Variants in HAO1 observed in about 807,000 individuals in gnomAD.
HAO1 encodes the protein hydroxyacid oxidase 1.
A neutral mutation model predicts 39.7 loss-of-function variants in HAO1; 34 were observed. The observed-to-expected ratio is 0.86, with a 90% confidence interval of 0.65 to 1.14. The LOEUF (loss-of-function observed/expected upper bound fraction) is 1.14, where lower values mean the gene tolerates loss of function less well. Among genes scored for constraint, HAO1 ranks in the 50% most tolerant of loss-of-function variants. The pLI, the probability that HAO1 is intolerant of heterozygous loss-of-function variation, is 0.00. For missense variants in HAO1, 479 were observed against 464.5 expected, an observed-to-expected ratio of 1.03 and a Z score of -0.29; for synonymous variants, 172 against 173.2, an observed-to-expected ratio of 0.99 and a Z score of 0.05.
At chr20:7,918,000 G>A (rs531011845) in intron 2 of HAO1, among the ~76,000 whole-genome samples, 3 of 152,298 alleles carry the variant, frequency 2.0e-5, no homozygotes, top group East Asian at 1.9e-4. Context: ...AACTGCTGGA[G>A]TTATTGCTGC....
chr20:7,935,403 G>A, intron 1 of HAO1, among the ~76,000 whole-genome samples: 1 of 152,148 alleles, frequency 6.6e-6, no homozygotes, highest in Non-Finnish European at 1.5e-5. Flanking sequence ...AATGCATAGA[G>A]TTTAGATTAG....
intron 1 of HAO1, among the ~76,000 whole-genome samples, chr20:7,939,528 A>G (rs1481727278): frequency 6.6e-6 from 1 of 151,466 alleles, no homozygotes; most frequent in Non-Finnish European, 1.5e-5. Flanking sequence ...ACTAACAGCC[A>G]TAATGTTAGA....
At chr20:7,905,160 T>C (rs2050241598) in intron 4 of HAO1, among the ~76,000 whole-genome samples, 1 of 152,188 alleles carries the variant, frequency 6.6e-6, no homozygotes, top group South Asian at 2.1e-4. Flanking sequence ...TATATATCGA[T>C]TTAAAAAACT....
At chr20:7,916,745 A>G (rs1227821428) in intron 2 of HAO1, among the ~76,000 whole-genome samples, 1 of 152,202 alleles carries the variant, frequency 6.6e-6, no homozygotes, top group East Asian at 1.9e-4. Context: ...TTTTTCATAC[A>G]TGTTCTCCCG....
At chr20:7,927,632 A>G (rs1028062854) in intron 2 of HAO1, among the ~76,000 whole-genome samples, 10 of 152,294 alleles carry the variant, frequency 6.6e-5, no homozygotes, top group African/African-American at 2.4e-4. Flanking sequence ...GTAATTCATG[A>G]CCCATTGTTT....
chr20:7,890,723 A>G (rs1038430135), intron 5 of HAO1, among the ~76,000 whole-genome samples: 2 of 151,720 alleles, frequency 1.3e-5, no homozygotes, highest in African/African-American at 4.8e-5. Context: ...CCAAGTCCCC[A>G]ATGTCCATTG....
At chr20:7,893,480 A>G (rs1432895992) in intron 5 of HAO1, among the ~76,000 whole-genome samples, 2 of 152,202 alleles carry the variant, frequency 1.3e-5, no homozygotes, top group Non-Finnish European at 2.9e-5. Flanking sequence ...GTAGGCTACA[A>G]GATTCTGAAC....
chr20:7,934,534 G>C lies in HAO1; in HGVS notation c.239C>G (p.Thr80Arg), dbSNP rs758462740. ...RVSMPICVGA[T>R]AMQRMAHVDG... The stretch of plus-strand genomic sequence containing the variant: ...CACATGAGCCATGCGCTGCATGGCC[G>C]TAGCCCCCACACATATTGGCATGCT... Residue 80 changes from threonine to arginine, a missense_variant, in exon 2 of 8, where the codon ACG becomes AGG. Physicochemically the swap from Thr to Arg is moderately conservative, Grantham distance 71 (BLOSUM62 -1). Coordinates refer to ENST00000378789, the MANE Select transcript of HAO1 (RefSeq NM_017545.3). The C allele has an allele frequency of 1.9e-6, 3 of 1,612,914 alleles. No individual in the cohort carries two copies. The highest frequency in any genetic ancestry group is 2.7e-5 in the African/African-American group (2 of 74,970).
At chr20:7,895,085 T>C (rs768146264) in intron 5 of HAO1, 48 bp downstream of exon 5, 11 of 1,140,194 alleles carry the variant, frequency 9.6e-6, no homozygotes, top group Middle Eastern at 1.9e-4. Context: ...AACACAGTGA[T>C]GGAAATGGGA....
chr20:7,922,500 C>T (rs1001192140), intron 2 of HAO1, among the ~76,000 whole-genome samples: 2 of 152,098 alleles, frequency 1.3e-5, no homozygotes, highest in African/African-American at 4.8e-5. Flanking sequence ...GAGAAAGCTC[C>T]TAAAGGAGAG....
chr20:7,904,475 C>G (rs1299001844), intron 4 of HAO1, among the ~76,000 whole-genome samples: 1 of 152,350 alleles, frequency 6.6e-6, no homozygotes, highest in Middle Eastern at 3.4e-3. Context: ...TGCATAATTG[C>G]TTTATTCTGC....
At chr20:7,925,098 G>T (rs138948054) in intron 2 of HAO1, among the ~76,000 whole-genome samples, 10 of 152,246 alleles carry the variant, frequency 6.6e-5, no homozygotes, top group South Asian at 2.1e-4. Context: ...TCACATAGAC[G>T]CAGTCAACAT....
chr20:7,896,896 T>C (rs2050200347), intron 4 of HAO1, among the ~76,000 whole-genome samples: 1 of 152,180 alleles, frequency 6.6e-6, no homozygotes, highest in Non-Finnish European at 1.5e-5. Context: ...AGACATAATG[T>C]CTGCCTTCAG....
intron 5 of HAO1, among the ~76,000 whole-genome samples, chr20:7,889,578 GGC>G (rs2050164786): frequency 6.6e-6 from 1 of 152,092 alleles, no homozygotes; most frequent in Non-Finnish European, 1.5e-5. Flanking sequence ...AGCAGAGGCT[GGC>G]AACTCTTCTC....
At chr20:7,936,018 A>G in intron 1 of HAO1, among the ~76,000 whole-genome samples, 1 of 152,312 alleles carries the variant, frequency 6.6e-6, no homozygotes, top group East Asian at 1.9e-4. Context: ...AAAAAAAAGA[A>G]GAAAAAGAAA....
At chr20:7,894,770 A>G (rs989384762) in intron 5 of HAO1, among the ~76,000 whole-genome samples, 5 of 152,078 alleles carry the variant, frequency 3.3e-5, no homozygotes, top group Admixed American at 2.0e-4. Flanking sequence ...AAATCCCACA[A>G]TTCTCTGTTA....
intron 3 of HAO1, among the ~76,000 whole-genome samples, chr20:7,910,228 A>C (rs1213568879): frequency 6.6e-6 from 1 of 152,224 alleles, no homozygotes; most frequent in Non-Finnish European, 1.5e-5. Flanking sequence ...CACTATACAA[A>C]GCCAAGAAAA....
chr20:7,904,329 G>C (rs6055384), intron 4 of HAO1, among the ~76,000 whole-genome samples: 3 of 152,262 alleles, frequency 2.0e-5, no homozygotes, highest in Admixed American at 2.0e-4. Context: ...CCATCCATTA[G>C]GTCCGTTGTG....
chr20:7,902,623 A>G (rs2050226069), intron 4 of HAO1, among the ~76,000 whole-genome samples: 1 of 152,194 alleles, frequency 6.6e-6, no homozygotes, highest in Non-Finnish European at 1.5e-5. Flanking sequence ...TCTCTTAGGT[A>G]TGCCTGTATA....
Sources: gnomAD v4.1 joint callset for allele counts (sites outside exome capture counted in the v4.1 genomes callset) on GRCh38, gnomAD v4.1.1 for gene constraint, MANE v1.5 for transcripts, NCBI Gene and HGNC (gene_info 2026-07-23, HGNC 2026-07-21) for gene names.